The following EEF1G variants were observed in gnomAD, a reference collection of about 807,000 sequenced individuals.
EEF1G encodes the protein eukaryotic translation elongation factor 1 gamma, also known as elongation factor 1-gamma.
EEF1G carries 14 observed loss-of-function variants against 58.3 expected under a neutral mutation model. The observed-to-expected ratio is 0.24, with a 90% CI of 0.16 to 0.38. EEF1G has a LOEUF of 0.38. Among genes scored for constraint, EEF1G ranks in the 10% least tolerant of loss-of-function variants. EEF1G has a pLI of 1.00. For synonymous variants in EEF1G, 180 were observed against 206.8 expected (o/e 0.87, Z 1.11); for missense variants, 322 against 550.1 (o/e 0.59, Z 4.15).
intron 5 of EEF1G, 28 bp downstream of exon 5, chr11:62,570,937 T>C: frequency 1.9e-6 from 3 of 1,613,392 alleles, no homozygotes; most frequent in East Asian, 2.2e-5. Flanking sequence ...ATCTACCCAC[T>C]GCCAAATGGA....
At chr11:62,563,268 AG>A (rs1437150284) in intron 7 of EEF1G, among the ~76,000 whole-genome samples, 1 of 151,846 alleles carries the variant, frequency 6.6e-6, no homozygotes, top group Non-Finnish European at 1.5e-5. Flanking sequence ...CTGGGACTAC[AG>A]GCGCCTGCTA....
At position 62,573,845 on chromosome 11, in the gene EEF1G, T is replaced by C. The variant is rs1555044239; in HGVS notation, c.-3A>G. 6.2e-7 allele frequency: 1 copy of C among 1,613,374 alleles called. No individual in the cohort carries two copies. The stretch of plus-strand genomic sequence containing the variant: ...AGCAAACTTACCCCAGCCGCCATGG[T>C]GATTCCGCAAAGAAAGGGGGTGGGG... On this transcript the variant is annotated 5_prime_UTR_variant, in exon 1 of 10. Transcript: ENST00000329251.
At chr11:62,570,863 T>G in intron 5 of EEF1G, 102 bp downstream of exon 5, 1 of 1,522,724 alleles carries the variant, frequency 6.6e-7, no homozygotes, top group Non-Finnish European at 9.0e-7. Flanking sequence ...CCTCTAGCTG[T>G]TTTCCAAGTC....
intron 7 of EEF1G, 90 bp from the exon 8 acceptor site, chr11:62,560,544 A>C: frequency 7.2e-7 from 1 of 1,398,254 alleles, no homozygotes; most frequent in Non-Finnish European, 9.8e-7. Flanking sequence ...AAAATTTACT[A>C]ATATAAAGGA....
Position 62,559,766 on chromosome 11 carries a change from G to C in EEF1G, c.1227C>G (p.Thr409=). ...AAAAGTACTCTCGAACCAGCGTCTG[G>C]GTCTCCTCGCTGCCAGGATCCAGTT... ...WRKLDPGSEE[T]QTLVREYFSW... The change falls in exon 10 of 10, where the codon ACC becomes ACG. Residue 409 remains threonine, a synonymous_variant. Transcript: ENST00000329251. 3 of 1,613,970 alleles carry C rather than the reference G, an allele frequency of 1.9e-6. No homozygotes were observed. The African/African-American group carries it at 4.0e-5, about 22-fold the overall frequency.
At chr11:62,560,687 T>G (rs1941483518) in intron 7 of EEF1G, among the ~76,000 whole-genome samples, 2 of 152,190 alleles carry the variant, frequency 1.3e-5, no homozygotes, top group African/African-American at 4.8e-5. Flanking sequence ...AGTGGGACTC[T>G]GAGACCTGCC....
intron 5 of EEF1G, 101 bp downstream of exon 5, chr11:62,570,864 T>C (rs1941619071): frequency 6.5e-7 from 1 of 1,527,320 alleles, no homozygotes; most frequent in Admixed American, 1.7e-5. Context: ...CTCTAGCTGT[T>C]TTCCAAGTCC....
chr11:62,564,884 G>C (rs940078812), intron 7 of EEF1G, among the ~76,000 whole-genome samples: 1 of 151,372 alleles, frequency 6.6e-6, no homozygotes, highest in Non-Finnish European at 1.5e-5. Flanking sequence ...TAGCTAACAC[G>C]GTGAAACTCC....
intron 5 of EEF1G, among the ~76,000 whole-genome samples, chr11:62,570,659 A>T (rs1440500554): frequency 1.3e-5 from 2 of 152,000 alleles, no homozygotes; most frequent in East Asian, 3.9e-4. Context: ...GATTCAAGTG[A>T]TTCTTGTGCC....
intron 7 of EEF1G, among the ~76,000 whole-genome samples, chr11:62,565,950 C>A (rs1010960597): frequency 6.6e-6 from 1 of 152,044 alleles, no homozygotes; most frequent in African/African-American, 2.4e-5. Context: ...GAAATGTAAA[C>A]CCTAGCAGAC....
At chr11:62,572,312 G>C (rs537243419) in intron 2 of EEF1G, among the ~76,000 whole-genome samples, 1 of 152,194 alleles carries the variant, frequency 6.6e-6, no homozygotes, top group East Asian at 1.9e-4. Context: ...GCTCATAACA[G>C]ATATCTGATA....
chr11:62,567,565 A>G, intron 5 of EEF1G, 37 bp from the exon 6 acceptor site: 1 of 1,537,072 alleles, frequency 6.5e-7, no homozygotes, highest in South Asian at 1.3e-5. Flanking sequence ...AGTCAGTGGA[A>G]AGGCCCTGAA....
chr11:62,572,783 G>A (rs1486866623), intron 1 of EEF1G, 41 bp from the exon 2 acceptor site: 1 of 1,565,600 alleles, frequency 6.4e-7, no homozygotes, highest in Non-Finnish European at 8.7e-7. Flanking sequence ...GAGTAGAAGG[G>A]TCCCAGTCCT....
At chr11:62,561,963 G>C (rs2134290102) in intron 7 of EEF1G, among the ~76,000 whole-genome samples, 1 of 152,250 alleles carries the variant, frequency 6.6e-6, no homozygotes, top group East Asian at 1.9e-4. Flanking sequence ...CATTTCAAAG[G>C]AGCCCAATTA....
chr11:62,565,452 T>C (rs781333349), intron 7 of EEF1G, among the ~76,000 whole-genome samples: 8 of 151,776 alleles, frequency 5.3e-5, no homozygotes, highest in Admixed American at 2.0e-4. Flanking sequence ...ACCCAATAAA[T>C]AGACATTAAT....
At chr11:62,561,267 G>C (rs967081340) in intron 7 of EEF1G, among the ~76,000 whole-genome samples, 23 of 151,968 alleles carry the variant, frequency 1.5e-4, no homozygotes, top group Non-Finnish European at 3.2e-4. Context: ...TTAGCTGGGC[G>C]TGGTGGCAGG....
chr11:62,572,651 G>A lies in EEF1G; in HGVS notation c.104C>T (p.Pro35Leu). The A allele has an allele frequency of 1.2e-6, 2 of 1,612,628 alleles. No individual in the cohort carries two copies. Among genetic ancestry groups the A allele is most frequent in the Non-Finnish European group, 1.7e-6 (2 of 1,179,854 alleles). ...SGAQVRVLSAPPHFHFGQTNR... is the reference protein window; with the variant it reads ...SGAQVRVLSALPHFHFGQTNR... ...GGTTTGGCCAAAATGGAAGTGGGGT[G>A]GTGCGGAGAGCACGCGGACCTGAGC... The change falls in exon 2 of 10, where the codon CCA becomes CTA. Residue 35 changes from proline to leucine, a missense_variant. Pro to Leu is a moderately conservative substitution (Grantham distance 98, BLOSUM62 -3). Coordinates refer to ENST00000329251, the MANE Select transcript of EEF1G (RefSeq NM_001404.5).
chr11:62,559,912 CAT>C (rs1302665523), intron 9 of EEF1G, 75 bp from the exon 10 acceptor site: 3 of 1,611,146 alleles, frequency 1.9e-6, no homozygotes, highest in Admixed American at 1.7e-5. Flanking sequence ...AGCTCAAACA[CAT>C]GTCATCAGAC....
intron 7 of EEF1G, among the ~76,000 whole-genome samples, chr11:62,561,506 C>G (rs1941493244): frequency 7.8e-6 from 1 of 128,328 alleles, no homozygotes; most frequent in South Asian, 2.5e-4. Context: ...AAACCTATCT[C>G]TACTAAAAAA....
Sources: allele counts gnomAD v4.1 joint callset (sites outside exome capture counted in the v4.1 genomes callset), GRCh38; gene constraint gnomAD v4.1.1; transcripts MANE v1.5; gene names NCBI Gene and HGNC (gene_info 2026-07-23, HGNC 2026-07-21).